Variants in THADA observed in about 807,000 individuals in gnomAD.
THADA encodes the protein THADA armadillo repeat containing.
THADA carries 213 observed loss-of-function variants against 219.8 expected under a neutral mutation model. The ratio of observed to expected loss-of-function variants is 0.97; its 90% CI spans 0.87 to 1.09. The LOEUF (loss-of-function observed/expected upper bound fraction) is 1.09, where lower values mean the gene tolerates loss of function less well. Ranked by LOEUF, THADA falls within the 50% of genes least tolerant of loss-of-function variation. The probability of loss-of-function intolerance (pLI) is 0.00; values close to 1 mark genes in which losing one functional copy is unlikely to be tolerated. For synonymous variants in THADA, 1,018 were observed against 828.9 expected (o/e 1.23, Z -3.92); for missense variants, 2,956 against 2,311.3 (o/e 1.28, Z -5.72).
intron 22 of THADA, among the ~76,000 whole-genome samples, chr2:43,510,840 G>C (rs187542125): frequency 1.3e-5 from 2 of 151,402 alleles, no homozygotes; most frequent in Non-Finnish European, 2.9e-5. Context: ...GTGTGGTGGC[G>C]GGCACCTGTA....
At chr2:43,444,158 A>C (rs1019518442) in intron 26 of THADA, among the ~76,000 whole-genome samples, 6 of 151,676 alleles carry the variant, frequency 4.0e-5, no homozygotes, top group Non-Finnish European at 7.4e-5. Flanking sequence ...AAATTTAGCC[A>C]CCAGTTTTAT....
chr2:43,293,449 A>C (rs547251991), intron 31 of THADA, among the ~76,000 whole-genome samples: 9 of 152,300 alleles, frequency 5.9e-5, no homozygotes, highest in African/African-American at 2.2e-4. Flanking sequence ...TTACTATTAG[A>C]AAATGCGTTC....
chr2:43,270,225 T>C (rs1025250412), intron 36 of THADA, among the ~76,000 whole-genome samples: 7 of 152,280 alleles, frequency 4.6e-5, no homozygotes, highest in Admixed American at 6.5e-5. Flanking sequence ...GGGGAAATCA[T>C]TTACCTTTCT....
At chr2:43,543,087 A>T (rs1695538723) in intron 20 of THADA, among the ~76,000 whole-genome samples, 1 of 139,084 alleles carries the variant, frequency 7.2e-6, no homozygotes, top group African/African-American at 2.7e-5. Context: ...ATGTGTTCTC[A>T]TTGTTCAATT....
At chr2:43,463,499 T>C (rs1683874733) in intron 26 of THADA, among the ~76,000 whole-genome samples, 1 of 152,250 alleles carries the variant, frequency 6.6e-6, no homozygotes, top group African/African-American at 2.4e-5. Context: ...GTTCTAGCTG[T>C]TCTATCTGAA....
At chr2:43,568,310 C>G (rs1698913448) in intron 14 of THADA, among the ~76,000 whole-genome samples, 1 of 152,168 alleles carries the variant, frequency 6.6e-6, no homozygotes, top group South Asian at 2.1e-4. Flanking sequence ...TAGAAGATGT[C>G]TTTTTCAACT....
rs894996562 is a variant in THADA, at chr2:43,580,054, C to G, written c.722-1447G>C. On this transcript the variant is annotated intron_variant, in intron 8 of 37. Coordinates refer to ENST00000405975, the MANE Select transcript of THADA (RefSeq NM_022065.5). ...TTTTTTTTTTTTTTTGAGACGGAGG[C>G]TTGCTCTGTTGCCAGGCTGGAGTGC... Among the ~76,000 whole-genome samples, 6 of 126,826 alleles carry G rather than the reference C, an allele frequency of 4.7e-5. No homozygotes were observed. The South Asian group carries it at 1.0e-3, about 21-fold the overall frequency. The allele number at this position is 126,826 out of a possible 152,430, so 83.2% of individuals were successfully genotyped here.
At chr2:43,313,556 G>C (rs1301045246) in intron 31 of THADA, among the ~76,000 whole-genome samples, 1 of 152,198 alleles carries the variant, frequency 6.6e-6, no homozygotes, top group Non-Finnish European at 1.5e-5. Flanking sequence ...CTTTCCAAGG[G>C]AAAAAGGGCA....
At chr2:43,264,575 G>A (rs538592995) in intron 36 of THADA, among the ~76,000 whole-genome samples, 10 of 152,212 alleles carry the variant, frequency 6.6e-5, no homozygotes. Context: ...ATGAGCCACC[G>A]TGCTGGGCCA....
intron 31 of THADA, among the ~76,000 whole-genome samples, chr2:43,310,232 C>CG (rs894503636): frequency 8.7e-5 from 11 of 126,400 alleles, no homozygotes; most frequent in African/African-American, 2.6e-4. Context: ...TCCCGCCCCC[C>CG]CCCCAAACAA....
rs1218087916 is a variant in THADA at position 43,428,663 on chromosome 2, T to C, written c.3927-432A>G. ...ACAATCAAGGGGATAGTTTTCCTTT[T>C]TTCTTTTTTTTTTCTACGTTCACTT... On this transcript the variant is annotated intron_variant, in intron 27 of 37. Transcript: ENST00000405975. Among the ~76,000 whole-genome samples, 3 of 152,244 alleles carry C rather than the reference T, an allele frequency of 2.0e-5. No homozygotes were observed. The South Asian group carries it at 6.2e-4, about 32-fold the overall frequency.
At chr2:43,356,003 T>A (rs1367790467) in intron 29 of THADA, among the ~76,000 whole-genome samples, 1 of 152,040 alleles carries the variant, frequency 6.6e-6, no homozygotes, top group Non-Finnish European at 1.5e-5. Flanking sequence ...ATAACCAATA[T>A]AGGAAGAGCT....
chr2:43,361,997 T>C (rs1158566868), intron 29 of THADA, among the ~76,000 whole-genome samples: 3 of 152,240 alleles, frequency 2.0e-5, no homozygotes, highest in East Asian at 1.9e-4. Flanking sequence ...GTATAATTTC[T>C]AGCCCTTTTG....
At chr2:43,536,784 C>T (rs1028147613) in intron 21 of THADA, among the ~76,000 whole-genome samples, 3 of 152,006 alleles carry the variant, frequency 2.0e-5, no homozygotes, top group Admixed American at 6.6e-5. Flanking sequence ...GTACTACTAA[C>T]GCAAAGTAAT....
At chr2:43,332,148 C>A (rs999511559) in intron 30 of THADA, among the ~76,000 whole-genome samples, 1 of 152,172 alleles carries the variant, frequency 6.6e-6, no homozygotes, top group Admixed American at 6.5e-5. Flanking sequence ...TGCAGTGGCA[C>A]GATCTTGGCT....
chr2:43,296,433 AC>A (rs1390207794), intron 31 of THADA, among the ~76,000 whole-genome samples: 1 of 150,732 alleles, frequency 6.6e-6, no homozygotes, highest in East Asian at 2.0e-4. Context: ...ACGCCACCAC[AC>A]CCAGCTAATT....
intron 29 of THADA, among the ~76,000 whole-genome samples, chr2:43,390,485 T>A (rs926710470): frequency 2.0e-5 from 3 of 152,218 alleles, no homozygotes; most frequent in Non-Finnish European, 4.4e-5. Flanking sequence ...TGTCTTGTGA[T>A]AGAATTTTGC....
At chr2:43,329,858 C>T (rs562540928) in intron 30 of THADA, among the ~76,000 whole-genome samples, 2 of 152,328 alleles carry the variant, frequency 1.3e-5, no homozygotes, top group South Asian at 4.1e-4. Flanking sequence ...CATAAAGGCA[C>T]ATTTTCAACG....
chr2:43,305,503 G>GA (rs1469075431), intron 31 of THADA, among the ~76,000 whole-genome samples: 1 of 152,168 alleles, frequency 6.6e-6, no homozygotes, highest in African/African-American at 2.4e-5. Context: ...ACACCCCTTG[G>GA]AAAACATTCC....
Sources: gnomAD v4.1 joint callset for allele counts (sites outside exome capture counted in the v4.1 genomes callset) on GRCh38, gnomAD v4.1.1 for gene constraint, MANE v1.5 for transcripts, NCBI Gene and HGNC (gene_info 2026-07-23, HGNC 2026-07-21) for gene names.